The following PPFIA2 variants were observed in gnomAD, a reference collection of about 807,000 sequenced individuals.
The protein encoded by PPFIA2 is PPFI scaffold protein A2, also known as liprin-alpha-2.
Under a neutral mutation model 175.5 loss-of-function variants are expected in PPFIA2, and 46 were observed. The ratio of observed to expected loss-of-function variants is 0.26; its 90% CI spans 0.21 to 0.34. PPFIA2 has a LOEUF of 0.34. Among genes scored for constraint, PPFIA2 ranks in the 10% least tolerant of loss-of-function variants. The pLI, the probability that PPFIA2 is intolerant of heterozygous loss-of-function variation, is 1.00. For missense variants in PPFIA2, 1,179 were observed against 1,506.1 expected, an observed-to-expected ratio of 0.78 and a Z score of 3.60; for synonymous variants, 568 against 511.4, an observed-to-expected ratio of 1.11 and a Z score of -1.49.
intron 4 of PPFIA2, among the ~76,000 whole-genome samples, chr12:81,485,905 CTAAG>C (rs752850584): frequency 1.3e-5 from 2 of 151,750 alleles, no homozygotes; most frequent in African/African-American, 4.8e-5. Context: ...TTAAAACAGA[CTAAG>C]TACCCCATCT....
chr12:81,435,321 T>C (rs1693102663), intron 7 of PPFIA2, among the ~76,000 whole-genome samples: 1 of 152,194 alleles, frequency 6.6e-6, no homozygotes, highest in Non-Finnish European at 1.5e-5. Context: ...GAATAATCTA[T>C]ACAATAATTA....
chr12:81,391,946 G>A lies in PPFIA2; in HGVS notation c.763-7702C>T, dbSNP rs1238155141. Among the ~76,000 whole-genome samples, 5 of 151,986 alleles carry A rather than the reference G, an allele frequency of 3.3e-5. No individual in the cohort carries two copies. The South Asian group carries it at 8.3e-4, about 25-fold the overall frequency. On this transcript the variant is annotated intron_variant, in intron 8 of 32. Transcript: ENST00000549396. ...GAGTGGATATAGATGGAAATATGAT[G>A]TGTGTTCTTGAGATCATTTTAAGAC...
intron 4 of PPFIA2, among the ~76,000 whole-genome samples, chr12:81,658,135 T>C (rs889617957): frequency 3.3e-4 from 50 of 151,902 alleles, no homozygotes; most frequent in African/African-American, 1.2e-3. Context: ...GGGCATTGTG[T>C]CATATGCCTG....
chr12:81,406,165 G>A (rs1592493444), intron 7 of PPFIA2, among the ~76,000 whole-genome samples: 1 of 152,092 alleles, frequency 6.6e-6, no homozygotes, highest in Non-Finnish European at 1.5e-5. Context: ...ATATTTTCTT[G>A]TTGGAAATGT....
At chr12:81,637,274 TTTTTTTTTTA>T (rs2064222656) in intron 4 of PPFIA2, among the ~76,000 whole-genome samples, 1 of 87,696 alleles carries the variant, frequency 1.1e-5, no homozygotes, top group African/African-American at 5.2e-5. Context: ...TTTTTTTTTT[TTTTTTTTTTA>T]GTAGAGATGG....
intron 8 of PPFIA2, among the ~76,000 whole-genome samples, chr12:81,398,250 G>A (rs2041509659): frequency 6.6e-6 from 1 of 151,900 alleles, no homozygotes; most frequent in African/African-American, 2.4e-5. Flanking sequence ...ATTTGCTGGG[G>A]AAATATACTT....
At chr12:81,609,520 T>A (rs1312569265) in intron 4 of PPFIA2, among the ~76,000 whole-genome samples, 2 of 152,190 alleles carry the variant, frequency 1.3e-5, no homozygotes, top group African/African-American at 4.8e-5. Context: ...TCATTAATAT[T>A]ATGCAATGCC....
intron 27 of PPFIA2, among the ~76,000 whole-genome samples, chr12:81,277,850 A>G (rs1275884967): frequency 6.6e-6 from 1 of 152,220 alleles, no homozygotes; most frequent in Non-Finnish European, 1.5e-5. Flanking sequence ...TAAGTAAGTG[A>G]GGTAATAGAA....
At position 81,405,920 on chromosome 12, in the gene PPFIA2, C is replaced by T. The variant is rs1346133680; in HGVS notation, c.646-17G>A. On this transcript the variant is annotated splice_polypyrimidine_tract_variant and intron_variant, in intron 7 of 32. Transcript: ENST00000549396. ...GGCAACAATCTGCAAAATAAAAGCA[C>T]TATGCCTTTAAAGTCTAAATAGGGA... 4.9e-6 allele frequency: 7 copies of T among 1,443,294 alleles called. No individual in the cohort carries two copies. The Admixed American group carries it at 6.1e-5, about 13-fold the overall frequency. 89.4% of individuals were successfully genotyped at this position (1,443,294 alleles called of 1,614,324 possible).
At chr12:81,687,785 A>C (rs577981127) in intron 3 of PPFIA2, among the ~76,000 whole-genome samples, 1 of 151,952 alleles carries the variant, frequency 6.6e-6, no homozygotes, top group Admixed American at 6.6e-5. Context: ...ATTAATTTTA[A>C]TAATTCATGG....
intron 7 of PPFIA2, among the ~76,000 whole-genome samples, chr12:81,429,095 GT>G (rs1423617249): frequency 6.6e-6 from 1 of 151,982 alleles, no homozygotes; most frequent in Non-Finnish European, 1.5e-5. Flanking sequence ...GATTCCTAAT[GT>G]TTAAAATAAG....
intron 4 of PPFIA2, among the ~76,000 whole-genome samples, chr12:81,515,941 T>C (rs2062372096): frequency 6.6e-6 from 1 of 150,588 alleles, no homozygotes. Flanking sequence ...ATCATATACT[T>C]GGAAAGACCT....
In PPFIA2 at chr12:81,638,014, G is replaced by T. The variant is rs555441424; in HGVS notation, c.303+38777C>A. 8.9e-4 allele frequency among the ~76,000 whole-genome samples: 135 copies of T among 152,262 alleles called. 2 individuals are homozygous for T. Among genetic ancestry groups the T allele is most frequent in the African/African-American group, 3.0e-3 (126 of 41,554 alleles). On this transcript the variant is annotated intron_variant, in intron 4 of 32. Transcript: ENST00000549396. ...GCTCAGTCACAGAAGAAGAAAACTT[G>T]TATTCTTTTTCCCCATTACCCGACT...
At chr12:81,695,078 G>C (rs980439628) in intron 3 of PPFIA2, among the ~76,000 whole-genome samples, 5 of 151,960 alleles carry the variant, frequency 3.3e-5, no homozygotes, top group Non-Finnish European at 7.4e-5. Flanking sequence ...TATTTTTCAG[G>C]CTCATAGGTG....
intron 28 of PPFIA2, among the ~76,000 whole-genome samples, chr12:81,269,165 C>T (rs1162219517): frequency 6.6e-6 from 1 of 151,706 alleles, no homozygotes; most frequent in African/African-American, 2.4e-5. Context: ...TCAATATCTT[C>T]CCATTAAAAG....
chr12:81,272,343 A>G (rs1316070196), intron 28 of PPFIA2, among the ~76,000 whole-genome samples: 1 of 151,920 alleles, frequency 6.6e-6, no homozygotes, highest in African/African-American at 2.4e-5. Context: ...TTACCTCACC[A>G]TGTCCAATAT....
chr12:81,454,549 C>T (rs144141186), intron 5 of PPFIA2, among the ~76,000 whole-genome samples: 2,098 of 152,238 alleles, frequency 0.014, 24 homozygotes, highest in Non-Finnish European at 0.022. Flanking sequence ...ATCATTATTA[C>T]TCTCTATCTT....
At chr12:81,726,151 T>C (rs1382950669) in intron 3 of PPFIA2, among the ~76,000 whole-genome samples, 1 of 151,154 alleles carries the variant, frequency 6.6e-6, no homozygotes, top group Non-Finnish European at 1.5e-5. Flanking sequence ...TCTCATTAAC[T>C]ATCATCGAAA....
chr12:81,331,232 C>T (rs909625794), intron 21 of PPFIA2, among the ~76,000 whole-genome samples: 1 of 152,122 alleles, frequency 6.6e-6, no homozygotes, highest in African/African-American at 2.4e-5. Flanking sequence ...AATACTTAAC[C>T]ATTGTGTTAC....
Sources: gnomAD v4.1 joint callset for allele counts (sites outside exome capture counted in the v4.1 genomes callset) on GRCh38, gnomAD v4.1.1 for gene constraint, MANE v1.5 for transcripts, NCBI Gene and HGNC (gene_info 2026-07-23, HGNC 2026-07-21) for gene names.